PBX3: variants seen among roughly 807,000 people sequenced by gnomAD.
PBX3 encodes pre-B-cell leukemia transcription factor 3.
Under a neutral mutation model 48.5 loss-of-function variants are expected in PBX3, and 14 were observed. That is an observed-to-expected ratio of 0.29 (90% confidence interval 0.19 to 0.45). The LOEUF (loss-of-function observed/expected upper bound fraction) is 0.45. Among genes scored for constraint, PBX3 ranks in the 20% least tolerant of loss-of-function variants. PBX3 has a pLI of 1.00. For synonymous variants in PBX3, 210 were observed against 200.3 expected (o/e 1.05, Z -0.41); for missense variants, 386 against 546.7 (o/e 0.71, Z 2.93).
chr9:125,857,799 A>G, intron 2 of PBX3, among the ~76,000 whole-genome samples: 1 of 152,208 alleles, frequency 6.6e-6, no homozygotes, highest in South Asian at 2.1e-4. Context: ...ATCTTTCTGC[A>G]TAGCATTTTG....
intron 2 of PBX3, among the ~76,000 whole-genome samples, chr9:125,811,178 T>C (rs1838279332): frequency 6.6e-6 from 1 of 152,150 alleles, no homozygotes; most frequent in African/African-American, 2.4e-5. Flanking sequence ...GCCTGTAAAA[T>C]ATGTATGTTT....
rs550348976 is a variant in PBX3 at position 125,804,083 on chromosome 9, T to C, written c.274+55460T>C. Among the ~76,000 whole-genome samples the C allele has an allele frequency of 2.8e-4, 43 of 152,344 alleles. No homozygotes were observed. The South Asian group carries it at 8.5e-3, about 30-fold the overall frequency. On this transcript the variant is annotated intron_variant, in intron 2 of 8. Transcript: ENST00000373489. The stretch of plus-strand genomic sequence containing the variant: ...CTTGCTACATTTGCTGTCATGAGTT[T>C]TCATGTCAGTAGCCTACTCTCAGAT...
chr9:125,796,816 G>T (rs1442704406), intron 2 of PBX3, among the ~76,000 whole-genome samples: 1 of 151,980 alleles, frequency 6.6e-6, no homozygotes, highest in East Asian at 1.9e-4. Context: ...ACACCGTAAG[G>T]ACTATAGTTA....
chr9:125,826,661 T>C (rs747228672), intron 2 of PBX3, among the ~76,000 whole-genome samples: 2 of 152,106 alleles, frequency 1.3e-5, no homozygotes, highest in Non-Finnish European at 2.9e-5. Context: ...CAGTACTAAG[T>C]ATTTAGATGG....
intron 5 of PBX3, among the ~76,000 whole-genome samples, chr9:125,943,231 C>T (rs965279209): frequency 6.6e-6 from 1 of 151,594 alleles, no homozygotes; most frequent in African/African-American, 2.4e-5. Flanking sequence ...TGGCACACGC[C>T]TGTAGTCCCA....
At chr9:125,932,651 A>C (rs1403838649) in intron 4 of PBX3, among the ~76,000 whole-genome samples, 1 of 152,270 alleles carries the variant, frequency 6.6e-6, no homozygotes, top group African/African-American at 2.4e-5. Flanking sequence ...AATAAAAAGC[A>C]TTATGTAACA....
chr9:125,825,956 A>T (rs1186761811), intron 2 of PBX3, among the ~76,000 whole-genome samples: 1 of 152,196 alleles, frequency 6.6e-6, no homozygotes, highest in Non-Finnish European at 1.5e-5. Flanking sequence ...AAGTCTGTTT[A>T]ATTTTGCATT....
intron 2 of PBX3, among the ~76,000 whole-genome samples, chr9:125,833,905 T>G (rs1301653362): frequency 6.6e-6 from 1 of 152,212 alleles, no homozygotes; most frequent in East Asian, 1.9e-4. Flanking sequence ...GTTTAACTTT[T>G]GAGGAACTGC....
chr9:125,791,445 GC>G (rs1837606678), intron 2 of PBX3, among the ~76,000 whole-genome samples: 1 of 152,104 alleles, frequency 6.6e-6, no homozygotes, highest in Non-Finnish European at 1.5e-5. Flanking sequence ...TGGAGGAGGG[GC>G]TTGGTGGCAG....
chr9:125,909,650 G>T (rs1841157718), intron 2 of PBX3, among the ~76,000 whole-genome samples: 1 of 152,134 alleles, frequency 6.6e-6, no homozygotes, highest in Non-Finnish European at 1.5e-5. Context: ...GCATTGCTAG[G>T]AACGTGAAGA....
In PBX3 at chr9:125,788,501, A is replaced by T. The variant is rs1416704; in HGVS notation, c.274+39878A>T. Among the ~76,000 whole-genome samples, 515 of 152,336 alleles carry T rather than the reference A, an allele frequency of 3.4e-3. 3 individuals are homozygous for T. The highest frequency in any genetic ancestry group is 5.4e-3 in the Non-Finnish European group (370 of 68,034). On this transcript the variant is annotated intron_variant, in intron 2 of 8. Transcript: ENST00000373489. ...TTTGTTAATACAAAAGATTTCAGACAATATAAAAGCATAGATAAAATACAA... is the reference window on the plus strand; with the variant it reads ...TTTGTTAATACAAAAGATTTCAGACTATATAAAAGCATAGATAAAATACAA...
intron 2 of PBX3, among the ~76,000 whole-genome samples, chr9:125,760,114 T>G (rs911083875): frequency 6.6e-6 from 1 of 152,226 alleles, no homozygotes; most frequent in Non-Finnish European, 1.5e-5. Context: ...TTCACGCGGT[T>G]TGTTCTGCGT....
intron 4 of PBX3, among the ~76,000 whole-genome samples, chr9:125,931,230 T>A (rs930459731): frequency 6.6e-6 from 1 of 152,206 alleles, no homozygotes; most frequent in Non-Finnish European, 1.5e-5. Context: ...AACATTTTCA[T>A]GTAGTATAAG....
At chr9:125,869,255 T>C (rs900446468) in intron 2 of PBX3, among the ~76,000 whole-genome samples, 3 of 152,008 alleles carry the variant, frequency 2.0e-5, no homozygotes, top group South Asian at 2.1e-4. Context: ...GATAGAAATA[T>C]GAAAAAGATG....
At chr9:125,826,365 A>T (rs1838807680) in intron 2 of PBX3, among the ~76,000 whole-genome samples, 3 of 152,174 alleles carry the variant, frequency 2.0e-5, no homozygotes, top group Admixed American at 2.0e-4. Flanking sequence ...AAATGTTTTT[A>T]TGTGAAGTTC....
At position 125,759,086 on chromosome 9, in the gene PBX3, G is replaced by A. The variant is rs1369187848; in HGVS notation, c.274+10463G>A. 6.6e-6 allele frequency among the ~76,000 whole-genome samples: 1 copy of A among 152,126 alleles called. No homozygotes were observed. Among genetic ancestry groups the A allele is most frequent in the Non-Finnish European group, 1.5e-5 (1 of 68,028 alleles). Reference sequence around the variant, plus strand: ...CTTAGGCAGAGAAAGTAGTGGAAATGGTTGATTCAAAGATGGCAAAACCTG... The same window carrying A: ...CTTAGGCAGAGAAAGTAGTGGAAATAGTTGATTCAAAGATGGCAAAACCTG... On this transcript the variant is annotated intron_variant, in intron 2 of 8. Transcript: ENST00000373489. This position sits in a 1 kb window ranked among gnomAD's most constrained non-coding sequence, Gnocchi z 4.2.
At chr9:125,931,443 A>G (rs1361311253) in intron 4 of PBX3, among the ~76,000 whole-genome samples, 1 of 152,016 alleles carries the variant, frequency 6.6e-6, no homozygotes, top group African/African-American at 2.4e-5. Flanking sequence ...GCTGGGAGGC[A>G]TTTGCCACCA....
At chr9:125,899,221 ATATATATTTATATATAAATATACATATG>A (rs1840850384) in intron 2 of PBX3, among the ~76,000 whole-genome samples, 11 of 116,528 alleles carry the variant, frequency 9.4e-5, no homozygotes, top group Admixed American at 9.1e-4. Context: ...ATACATATGT[ATATATATTTATATATAAATATACATATG>A]TATATATATT....
intron 2 of PBX3, among the ~76,000 whole-genome samples, chr9:125,818,914 C>A (rs75559254): frequency 0.036 from 5,526 of 152,032 alleles, 352 homozygotes; most frequent in African/African-American, 0.13. Flanking sequence ...CGGCTGACTG[C>A]AGCCTCCGTC....
Sources: allele counts gnomAD v4.1 joint callset (sites outside exome capture counted in the v4.1 genomes callset), GRCh38; gene constraint gnomAD v4.1.1; non-coding constraint Gnocchi (gnomAD v3.1); transcripts MANE v1.5; gene names NCBI Gene and HGNC (gene_info 2026-07-23, HGNC 2026-07-21).